The following NRG1 variants were observed in gnomAD, a reference collection of about 807,000 sequenced individuals.
The protein encoded by NRG1 is neuregulin 1.
A neutral mutation model predicts 63.8 loss-of-function variants in NRG1; 18 were observed. The ratio of observed to expected loss-of-function variants is 0.28; its 90% confidence interval spans 0.19 to 0.42. The LOEUF (loss-of-function observed/expected upper bound fraction) is 0.42, where lower values mean the gene tolerates loss of function less well. NRG1 is among the 10% of genes least tolerant of loss of function. NRG1 has a pLI of 1.00. For synonymous variants in NRG1, 302 were observed against 301.3 expected, an observed-to-expected ratio of 1.00 and a Z score of -0.02; for missense variants, 762 against 814.7, an observed-to-expected ratio of 0.94 and a Z score of 0.79.
chr8:31,914,837 C>G (rs1833246848), intron 1 of NRG1, among the ~76,000 whole-genome samples: 1 of 151,738 alleles, frequency 6.6e-6, no homozygotes, highest in Non-Finnish European at 1.5e-5. Context: ...AATTATTTAA[C>G]TGAAACCTGG....
At chr8:31,713,595 T>C (rs1489110133) in intron 1 of NRG1, among the ~76,000 whole-genome samples, 1 of 152,218 alleles carries the variant, frequency 6.6e-6, no homozygotes, top group East Asian at 1.9e-4. Flanking sequence ...TTTGCTTCTA[T>C]CAGACCTTTG....
chr8:32,309,922 T>G (rs78628596), intron 1 of NRG1, among the ~76,000 whole-genome samples: 1,590 of 152,372 alleles, frequency 0.01, 30 homozygotes, highest in African/African-American at 0.036. Flanking sequence ...TCCACCCTAG[T>G]TCTGTCCAGA....
intron 1 of NRG1, among the ~76,000 whole-genome samples, chr8:32,092,008 T>C (rs1270354609): frequency 6.6e-6 from 1 of 151,950 alleles, no homozygotes; most frequent in Non-Finnish European, 1.5e-5. Context: ...AAAATGAACA[T>C]ATATTTTGAA....
At chr8:32,756,342 T>C in intron 8 of NRG1, 61 bp from the exon 9 acceptor site, 2 of 1,574,096 alleles carry the variant, frequency 1.3e-6, no homozygotes, top group South Asian at 1.2e-5. Flanking sequence ...AATAAAGACT[T>C]GGCTCTACTA....
chr8:31,855,317 T>G (rs1312234001), intron 1 of NRG1, among the ~76,000 whole-genome samples: 3 of 152,202 alleles, frequency 2.0e-5, no homozygotes, highest in African/African-American at 4.8e-5. Context: ...GCATATATGT[T>G]TAGGATAGTT....
rs555790255 is a variant in NRG1 at position 32,598,370 on chromosome 8, T to C, written c.278+2365T>C. ...TAGATAAGATGAGAAAATGAATTTT[T>C]TTAAAAAAGTGAACTGACTAGAATG... is the stretch of plus-strand genomic sequence containing the variant. On this transcript the variant is annotated intron_variant, in intron 2 of 11. Coordinates refer to ENST00000356819, the Ensembl canonical transcript of NRG1. Among the ~76,000 whole-genome samples the C allele has an allele frequency of 3.5e-4, 53 of 152,130 alleles. 1 individual carries two copies. The highest frequency in any genetic ancestry group is 1.2e-3 in the African/African-American group (50 of 41,536).
At chr8:32,212,991 A>T (rs1844844027) in intron 1 of NRG1, among the ~76,000 whole-genome samples, 1 of 152,188 alleles carries the variant, frequency 6.6e-6, no homozygotes, top group South Asian at 2.1e-4. Context: ...GATGGTTTTT[A>T]TCACCAGTTC....
At chr8:32,366,584 G>A (rs889801947) in intron 1 of NRG1, among the ~76,000 whole-genome samples, 3 of 148,892 alleles carry the variant, frequency 2.0e-5, no homozygotes, top group African/African-American at 7.5e-5. Flanking sequence ...TATAACGTCT[G>A]TATATATAAT....
intron 5 of NRG1, among the ~76,000 whole-genome samples, chr8:32,659,146 C>CTTT (rs11408766): frequency 0.04 from 5,371 of 135,958 alleles, 486 homozygotes; most frequent in East Asian, 0.35. Context: ...CTTTTCTTTT[C>CTTT]TTTTTTTTTT....
chr8:32,208,538 G>A (rs970670217), intron 1 of NRG1, among the ~76,000 whole-genome samples: 18 of 152,160 alleles, frequency 1.2e-4, no homozygotes, highest in Admixed American at 2.0e-4. Flanking sequence ...GATTACAGGC[G>A]TGAACCACCG....
chr8:31,732,184 C>G (rs1463358753), intron 1 of NRG1, among the ~76,000 whole-genome samples: 2 of 152,122 alleles, frequency 1.3e-5, no homozygotes, highest in African/African-American at 4.8e-5. Flanking sequence ...TGGGTTCGTT[C>G]CAGTTCATTG....
At chr8:32,200,386 G>T (rs146028332) in intron 1 of NRG1, among the ~76,000 whole-genome samples, 31 of 152,238 alleles carry the variant, frequency 2.0e-4, no homozygotes, top group African/African-American at 7.0e-4. Flanking sequence ...TCTCCTTTAA[G>T]AGGTCATATC....
intron 1 of NRG1, among the ~76,000 whole-genome samples, chr8:32,343,659 G>A (rs979647379): frequency 6.6e-6 from 1 of 152,200 alleles, no homozygotes; most frequent in African/African-American, 2.4e-5. Flanking sequence ...ATTACTCAGT[G>A]TTTAATCATA....
chr8:31,825,157 G>A (rs1051144050), intron 1 of NRG1, among the ~76,000 whole-genome samples: 7 of 152,094 alleles, frequency 4.6e-5, no homozygotes, highest in African/African-American at 1.7e-4. Flanking sequence ...TTAGAAGGCC[G>A]AGGCAGGCAA....
At chr8:32,134,948 C>G (rs1294657555) in intron 1 of NRG1, among the ~76,000 whole-genome samples, 1 of 152,048 alleles carries the variant, frequency 6.6e-6, no homozygotes, top group Non-Finnish European at 1.5e-5. Flanking sequence ...TATTTTAGAT[C>G]AGGTATTCAT....
chr8:31,660,945 A>G (rs1305140180), intron 1 of NRG1, among the ~76,000 whole-genome samples: 1 of 152,198 alleles, frequency 6.6e-6, no homozygotes, highest in Admixed American at 6.5e-5. Flanking sequence ...GTGACCACCC[A>G]TTAAAGCTAT....
At chr8:31,938,116 C>T (rs959190246) in intron 1 of NRG1, among the ~76,000 whole-genome samples, 1 of 152,128 alleles carries the variant, frequency 6.6e-6, no homozygotes, top group Admixed American at 6.5e-5. Flanking sequence ...AAAACCAGTG[C>T]ATTAAACAAA....
chr8:31,934,712 T>A (rs922292439), intron 1 of NRG1, among the ~76,000 whole-genome samples: 1 of 152,138 alleles, frequency 6.6e-6, no homozygotes, highest in East Asian at 1.9e-4. Flanking sequence ...TAATGAAACT[T>A]TTTTTGTGTT....
chr8:32,554,943 G>A (rs1241287966), intron 1 of NRG1, among the ~76,000 whole-genome samples: 1 of 140,798 alleles, frequency 7.1e-6, no homozygotes, highest in Non-Finnish European at 1.6e-5. Context: ...TTTTTTTTAA[G>A]TTACTGCAGT....
Sources: gnomAD v4.1 joint callset for allele counts (sites outside exome capture counted in the v4.1 genomes callset) on GRCh38, gnomAD v4.1.1 for gene constraint, MANE v1.5 for transcripts, NCBI Gene and HGNC (gene_info 2026-07-23, HGNC 2026-07-21) for gene names.